The following ANO6 variants were observed in gnomAD, a reference collection of about 807,000 sequenced individuals.
The protein encoded by ANO6 is anoctamin-6.
A neutral mutation model predicts 117.5 loss-of-function variants in ANO6; 106 were observed. That is an observed-to-expected ratio of 0.90 (90% CI 0.77 to 1.06). ANO6 has a LOEUF of 1.06. Among genes scored for constraint, ANO6 ranks in the 50% least tolerant of loss-of-function variants. The probability of loss-of-function intolerance (pLI) is 0.00; values close to 1 mark genes in which losing one functional copy is unlikely to be tolerated. For missense variants in ANO6, 955 were observed against 1,121.1 expected (o/e 0.85, Z 2.12); for synonymous variants, 367 against 385.1 (o/e 0.95, Z 0.55).
intron 2 of ANO6, among the ~76,000 whole-genome samples, chr12:45,315,390 A>T (rs1208689804): frequency 6.6e-6 from 1 of 151,986 alleles, no homozygotes; most frequent in African/African-American, 2.4e-5. Context: ...TAATAGTCCC[A>T]GTGGGGACTG....
chr12:45,351,890 T>C (rs900034438), intron 7 of ANO6, among the ~76,000 whole-genome samples: 2 of 151,704 alleles, frequency 1.3e-5, no homozygotes, highest in African/African-American at 4.9e-5. Context: ...TTGCAGATAA[T>C]GTGGAGAATG....
At chr12:45,381,535 G>A (rs1942169167) in intron 10 of ANO6, among the ~76,000 whole-genome samples, 1 of 152,184 alleles carries the variant, frequency 6.6e-6, no homozygotes, top group South Asian at 2.1e-4. Flanking sequence ...TGGCCCAGGA[G>A]TACTCCAAAA....
At chr12:45,362,306 T>A (rs986257633) in intron 8 of ANO6, among the ~76,000 whole-genome samples, 1 of 152,064 alleles carries the variant, frequency 6.6e-6, no homozygotes, top group Non-Finnish European at 1.5e-5. Context: ...CCCCTTATAA[T>A]CCTTTTTATT....
At chr12:45,303,425 T>G (rs1314612434) in intron 2 of ANO6, among the ~76,000 whole-genome samples, 1 of 152,228 alleles carries the variant, frequency 6.6e-6, no homozygotes, top group Non-Finnish European at 1.5e-5. Context: ...CTCTTTTTTT[T>G]GTTGTTTTAT....
chr12:45,234,178 G>A (rs2137146917), intron 1 of ANO6, among the ~76,000 whole-genome samples: 1 of 152,318 alleles, frequency 6.6e-6, no homozygotes, highest in East Asian at 1.9e-4. Flanking sequence ...GGAAGAGAAT[G>A]TGTGAGGAAA....
chr12:45,362,382 T>C (rs1379297008), intron 8 of ANO6, among the ~76,000 whole-genome samples: 4 of 152,248 alleles, frequency 2.6e-5, no homozygotes, highest in African/African-American at 4.8e-5. Flanking sequence ...TCTTCTTTTT[T>C]TCTTGATCAG....
chr12:45,351,440 G>A (rs1396627649), intron 7 of ANO6, among the ~76,000 whole-genome samples: 5 of 152,158 alleles, frequency 3.3e-5, no homozygotes, highest in Non-Finnish European at 7.3e-5. Context: ...TTTGGGCAGG[G>A]CTGAGGATTC....
chr12:45,326,908 C>A (rs1166346024), intron 2 of ANO6, among the ~76,000 whole-genome samples: 3 of 152,146 alleles, frequency 2.0e-5, no homozygotes, highest in African/African-American at 7.2e-5. Context: ...CCAGTCTCTC[C>A]ATAACTCAGG....
downstream of ANO6, among the ~76,000 whole-genome samples, chr12:45,437,065 G>A (rs1943715232): frequency 1.3e-5 from 2 of 152,186 alleles, no homozygotes; most frequent in Admixed American, 1.3e-4. Flanking sequence ...GTGTGGAAAA[G>A]ACAAGGGTTG....
In ANO6 at chr12:45,323,627, C is replaced by G. The variant is rs541062553; in HGVS notation, c.151-7668C>G. Among the ~76,000 whole-genome samples the G allele has an allele frequency of 3.9e-5, 6 of 152,244 alleles. No individual in the cohort carries two copies. The South Asian group carries it at 1.2e-3, about 32-fold the overall frequency. ...TCACTTAATCTTCACAATTACCCTGCCTTTCTATGATTTTCCCTTTTTACA... is the reference window on the plus strand; with the variant it reads ...TCACTTAATCTTCACAATTACCCTGGCTTTCTATGATTTTCCCTTTTTACA... On this transcript the variant is annotated intron_variant, in intron 2 of 19. Transcript: ENST00000320560.
At chr12:45,319,427 T>G (rs1940175885) in intron 2 of ANO6, among the ~76,000 whole-genome samples, 1 of 152,214 alleles carries the variant, frequency 6.6e-6, no homozygotes, top group African/African-American at 2.4e-5. Flanking sequence ...TTTATTGATT[T>G]GTATATGTTG....
At chr12:45,239,400 T>A (rs1408547613) in intron 1 of ANO6, among the ~76,000 whole-genome samples, 1 of 152,238 alleles carries the variant, frequency 6.6e-6, no homozygotes, top group Non-Finnish European at 1.5e-5. Flanking sequence ...ACTTTATCAT[T>A]TTTTATTGCA....
chr12:45,429,190 A>T lies in ANO6; in HGVS notation c.2612A>T (p.Lys871Ile), dbSNP rs777763824. The change falls in exon 20 of 20, where the codon AAA (lysine) becomes ATA (isoleucine). Residue 871 changes from lysine (K) to isoleucine (I), a missense_variant. Physicochemically the swap from Lys to Ile is moderately radical, Grantham distance 102. Transcript: ENST00000320560. ...ACAAAGAGCAAGATCCAGAGAGAAA[A>T]ATACCTAACCCAAAAGCTTCTTCAT... ...KRTKSKIQRE[K>I]YLTQKLLHEN... is the part of the protein sequence containing the mutation. The T allele has an allele frequency of 6.2e-7, 1 of 1,613,978 alleles. No individual in the cohort carries two copies. Among genetic ancestry groups the T allele is most frequent in the South Asian group, 1.1e-5 (1 of 91,078 alleles).
intron 3 of ANO6, among the ~76,000 whole-genome samples, chr12:45,344,021 CTG>C (rs911358396): frequency 5.3e-5 from 8 of 152,234 alleles, no homozygotes; most frequent in South Asian, 2.1e-4. Flanking sequence ...AAAGGAGTGT[CTG>C]TGTTTTTATC....
At chr12:45,434,022 G>A (rs997497320), downstream of ANO6, among the ~76,000 whole-genome samples, 22 of 152,100 alleles carry the variant, frequency 1.4e-4, no homozygotes, top group Admixed American at 1.4e-3. Flanking sequence ...TCAGCACATG[G>A]GATCCTTTAC....
chr12:45,312,615 C>A (rs1392286242), intron 2 of ANO6, among the ~76,000 whole-genome samples: 1 of 152,000 alleles, frequency 6.6e-6, no homozygotes, highest in African/African-American at 2.4e-5. Context: ...ATAAAAAGTA[C>A]ATCTTTACTA....
intron 1 of ANO6, among the ~76,000 whole-genome samples, chr12:45,243,057 T>G (rs79870754): frequency 0.022 from 3,335 of 152,324 alleles, 66 homozygotes; most frequent in East Asian, 0.068. Flanking sequence ...GCTCACACCT[T>G]TAATCCAAGC....
At chr12:45,321,535 A>T (rs147315507) in intron 2 of ANO6, among the ~76,000 whole-genome samples, 1 of 152,334 alleles carries the variant, frequency 6.6e-6, no homozygotes, top group East Asian at 1.9e-4. Context: ...GAAGCTGTCA[A>T]ATTCACAGTG....
At position 45,344,641 on chromosome 12, in the gene ANO6, C is replaced by T. The variant is rs1311105010; in HGVS notation, c.280-2381C>T. On this transcript the variant is annotated intron_variant, in intron 3 of 19. Transcript: ENST00000320560. ...TCCCCTAACATTGGAGATTACAGTT[C>T]GACATGACATTTGGGCAAAGACACA... Among the ~76,000 whole-genome samples, 4 of 152,188 alleles carry T rather than the reference C, an allele frequency of 2.6e-5. No homozygotes were observed. The East Asian group carries it at 5.8e-4, about 22-fold the overall frequency.
Sources: allele counts gnomAD v4.1 joint callset (sites outside exome capture counted in the v4.1 genomes callset), GRCh38; gene constraint gnomAD v4.1.1; transcripts MANE v1.5; gene names NCBI Gene and HGNC (gene_info 2026-07-23, HGNC 2026-07-21).